Variants in STON2 observed in about 807,000 individuals in gnomAD.
The protein encoded by STON2 is stonin 2.
Under a neutral mutation model 65.7 loss-of-function variants are expected in STON2, and 29 were observed. That is an observed-to-expected ratio of 0.44 (90% CI 0.33 to 0.60). The LOEUF is 0.60. STON2 is among the 20% of genes least tolerant of loss of function. The pLI, the probability that STON2 is intolerant of heterozygous loss-of-function variation, is 0.03. For synonymous variants in STON2, 404 were observed against 414.2 expected (o/e 0.98, Z 0.30); for missense variants, 1,054 against 1,118.1 (o/e 0.94, Z 0.82).
At chr14:81,420,428 T>C (rs1303700667) in intron 2 of STON2, among the ~76,000 whole-genome samples, 1 of 152,210 alleles carries the variant, frequency 6.6e-6, no homozygotes, top group Non-Finnish European at 1.5e-5. Context: ...CATTCATTCA[T>C]TCATTCATTC....
At chr14:81,317,431 T>C (rs928908042) in intron 5 of STON2, among the ~76,000 whole-genome samples, 9 of 152,222 alleles carry the variant, frequency 5.9e-5, no homozygotes, top group African/African-American at 2.2e-4. Context: ...GCAAAGCCTA[T>C]AAATTAGTGG....
intron 3 of STON2, among the ~76,000 whole-genome samples, chr14:81,376,217 A>T (rs746412038): frequency 2.6e-5 from 4 of 151,854 alleles, no homozygotes; most frequent in African/African-American, 9.7e-5. Context: ...AAAAAATTTT[A>T]AAATACACAG....
At position 81,277,642 on chromosome 14, in the gene STON2, T is replaced by C. The variant is rs770440938; in HGVS notation, c.1840A>G (p.Met614Val). 8.1e-6 allele frequency: 13 copies of C among 1,614,048 alleles called. No homozygotes were observed. The highest frequency in any genetic ancestry group is 1.1e-5 in the Non-Finnish European group (13 of 1,180,042). Residue 614 changes from methionine (M) to valine (V), a missense_variant, in exon 6 of 8, where the codon ATG becomes GTG. By Grantham distance (21) the Met-to-Val change is conservative. Coordinates refer to ENST00000614646, the MANE Select transcript of STON2 (RefSeq NM_001394390.1). ...DRLMDLPVLS[M>V]DLSTVGLNYL... ...TTGAGGCCAACTGTGCTCAAGTCCATTGACAACACTGGCAGATCCATGAGA... is the reference window on the plus strand; with the variant it reads ...TTGAGGCCAACTGTGCTCAAGTCCACTGACAACACTGGCAGATCCATGAGA...
At chr14:81,434,487 T>A (rs905373795) in intron 1 of STON2, among the ~76,000 whole-genome samples, 1 of 152,212 alleles carries the variant, frequency 6.6e-6, no homozygotes, top group East Asian at 1.9e-4. Flanking sequence ...CCTGAGAAGA[T>A]AAGCATTTCC....
rs1894276122 is a variant in STON2, at chr14:81,264,346, TTATGAG to T, written c.*4062_*4067del. The T allele has an allele frequency of 1.0e-6, 1 of 985,372 alleles. No homozygotes were observed. The highest frequency in any genetic ancestry group is 6.1e-5 in the Admixed American group (1 of 16,272). 61.0% of individuals were successfully genotyped at this position (985,372 alleles called of 1,614,324 possible). A position where few individuals can be genotyped will look rare whatever the true frequency, so the allele number is the denominator to read the frequency against. The stretch of plus-strand genomic sequence containing the variant: ...AATAAAAGCATGCTTGCTGGCTTTA[TTATGAG>T]TATTTGATGATAAGTAAGGGTTAAG... On this transcript the variant is annotated 3_prime_UTR_variant, in exon 8 of 8. Coordinates refer to ENST00000614646, the MANE Select transcript of STON2 (RefSeq NM_001394390.1).
chr14:81,365,275 G>A (rs148578721), intron 4 of STON2, among the ~76,000 whole-genome samples: 2 of 152,088 alleles, frequency 1.3e-5, no homozygotes, highest in African/African-American at 4.8e-5. Flanking sequence ...CGTGAACCTG[G>A]TGCCATCCCC....
intron 3 of STON2, among the ~76,000 whole-genome samples, chr14:81,388,228 G>A (rs566202951): frequency 5.3e-5 from 8 of 152,092 alleles, no homozygotes; most frequent in African/African-American, 1.2e-4. Flanking sequence ...GATTACAGGC[G>A]TGAGCCACCG....
Position 81,374,296 on chromosome 14 carries a change from G to A in STON2, c.374-3111C>T, listed in dbSNP as rs1899149367. 2.0e-5 allele frequency among the ~76,000 whole-genome samples: 3 copies of A among 151,990 alleles called. No homozygotes were observed. The South Asian group carries it at 6.2e-4, about 32-fold the overall frequency. On this transcript the variant is annotated intron_variant, in intron 3 of 7. Transcript: ENST00000614646. ...TGCCTCCCAAAGTGTTAGGATTACA[G>A]GCGTGAGCCACCACGCCCGGCCAAT... is the stretch of plus-strand genomic sequence containing the variant.
intron 7 of STON2, chr14:81,269,536 C>T (rs574804288): frequency 1.0e-6 from 1 of 985,404 alleles, no homozygotes; most frequent in South Asian, 4.7e-5. Flanking sequence ...ATTTATGACG[C>T]TTGACCTACA....
chr14:81,315,507 G>A (rs567472917), intron 5 of STON2, among the ~76,000 whole-genome samples: 3 of 63,658 alleles, frequency 4.7e-5, no homozygotes, highest in South Asian at 9.6e-4. Context: ...CATTTCCAAC[G>A]TAGGCAGGTG....
chr14:81,374,307 C>A (rs1227938346), intron 3 of STON2, among the ~76,000 whole-genome samples: 2 of 152,024 alleles, frequency 1.3e-5, no homozygotes, highest in Non-Finnish European at 2.9e-5. Flanking sequence ...GCGTGAGCCA[C>A]CACGCCCGGC....
intron 5 of STON2, among the ~76,000 whole-genome samples, chr14:81,283,816 AC>A (rs1477468886): frequency 6.6e-6 from 1 of 152,192 alleles, no homozygotes; most frequent in African/African-American, 2.4e-5. Context: ...GGCGTGAGCC[AC>A]TGTACCCAGC....
chr14:81,357,712 A>G (rs1209919600), intron 4 of STON2, among the ~76,000 whole-genome samples: 1 of 152,218 alleles, frequency 6.6e-6, no homozygotes, highest in Non-Finnish European at 1.5e-5. Context: ...GCAGCCATAA[A>G]AAATGATGAG....
At chr14:81,378,936 C>T (rs561821877) in intron 3 of STON2, among the ~76,000 whole-genome samples, 1 of 143,808 alleles carries the variant, frequency 7.0e-6, no homozygotes, top group East Asian at 1.9e-4. Flanking sequence ...CTAAACCTAA[C>T]AGAAATACCC....
intron 3 of STON2, among the ~76,000 whole-genome samples, chr14:81,384,087 T>C (rs1021787418): frequency 2.0e-5 from 3 of 151,738 alleles, no homozygotes; most frequent in African/African-American, 7.3e-5. Flanking sequence ...CTGCCCCATT[T>C]CCCCCAGGTC....
At chr14:81,366,377 T>C (rs1275811133) in intron 4 of STON2, among the ~76,000 whole-genome samples, 1 of 152,034 alleles carries the variant, frequency 6.6e-6, no homozygotes, top group African/African-American at 2.4e-5. Flanking sequence ...CCAAGGCAAA[T>C]AGGCTGGGCC....
chr14:81,401,638 G>A (rs556441225), upstream of STON2, among the ~76,000 whole-genome samples: 1 of 152,196 alleles, frequency 6.6e-6, no homozygotes, highest in South Asian at 2.1e-4. Context: ...CATAAAATGA[G>A]GTTTAGAATC....
At chr14:81,337,373 T>A (rs760718885) in intron 4 of STON2, among the ~76,000 whole-genome samples, 10 of 152,184 alleles carry the variant, frequency 6.6e-5, no homozygotes, top group Non-Finnish European at 1.5e-4. Flanking sequence ...CAGGCACCGG[T>A]GATACGCCAA....
chr14:81,278,012 C>T lies in STON2; in HGVS notation c.1470G>A (p.Arg490=). The change falls in exon 6 of 8, where the codon AGG becomes AGA. Residue 490 remains arginine, a synonymous_variant. Transcript: ENST00000614646. ...ACATGATGTTTTTCTTCTCAGGGAT[C>T]CTCAACATCATTGGCCACCCGTCAC... ...QPRDGWPMML[R]IPEKKNIMSS... is the part of the protein sequence containing the mutation. 1 of 1,614,156 alleles carries T rather than the reference C, an allele frequency of 6.2e-7. No homozygotes were observed. The highest frequency in any genetic ancestry group is 1.1e-5 in the South Asian group (1 of 91,070).
Sources: gnomAD v4.1 joint callset for allele counts (sites outside exome capture counted in the v4.1 genomes callset) on GRCh38, gnomAD v4.1.1 for gene constraint, MANE v1.5 for transcripts, NCBI Gene and HGNC (gene_info 2026-07-23, HGNC 2026-07-21) for gene names.